MYRFL: variants seen among roughly 807,000 people sequenced by gnomAD.
MYRFL encodes the protein myelin regulatory factor-like protein.
In MYRFL, 88 loss-of-function variants were observed where a neutral mutation model predicts 109.4. The observed-to-expected ratio is 0.80, with a 90% CI of 0.68 to 0.96. The LOEUF is 0.96. MYRFL is among the 40% of genes least tolerant of loss of function. The probability of loss-of-function intolerance (pLI) is 0.00; values close to 1 mark genes in which losing one functional copy is unlikely to be tolerated. For missense variants in MYRFL, 957 were observed against 954.9 expected (o/e 1.00, Z -0.03); for synonymous variants, 324 against 320.9 (o/e 1.01, Z -0.10).
intron 6 of MYRFL, among the ~76,000 whole-genome samples, chr12:69,889,295 A>G (rs914080484): frequency 2.6e-5 from 4 of 152,108 alleles, no homozygotes; most frequent in African/African-American, 9.7e-5. Context: ...GGAAAAATTC[A>G]TCAAAGAAGT....
At chr12:69,949,888 C>T (rs1191407946) in intron 19 of MYRFL, among the ~76,000 whole-genome samples, 2 of 152,162 alleles carry the variant, frequency 1.3e-5, no homozygotes, top group Non-Finnish European at 2.9e-5. Context: ...TTCCTATCCA[C>T]AAGCTGAGTC....
intron 2 of MYRFL, among the ~76,000 whole-genome samples, chr12:69,864,229 T>C (rs761161269): frequency 6.6e-6 from 1 of 152,196 alleles, no homozygotes; most frequent in Non-Finnish European, 1.5e-5. Context: ...TTTTTAACAT[T>C]TATTTTTCTT....
At position 69,886,829 on chromosome 12, in the gene MYRFL, G is replaced by T; in HGVS notation, c.566G>T (p.Arg189Met). The change falls in exon 6 of 25, where the codon AGG (arginine) becomes ATG (methionine). Residue 189 changes from arginine (R) to methionine (M), a missense_variant. Arg to Met is a moderately conservative substitution (Grantham distance 91). Coordinates refer to ENST00000552032, the MANE Select transcript of MYRFL (RefSeq NM_182530.3). ...ACCTGTTTCTTTGCAGTGACAAGTA[G>T]GAGTCGCAGCAGTGAAGTCCAGGAC... is the stretch of plus-strand genomic sequence containing the variant. ...WACHCRPMTS[R>M]SRSSEVQDPD... The T allele has an allele frequency of 6.5e-7, 1 of 1,535,860 alleles. No individual in the cohort carries two copies. The highest frequency in any genetic ancestry group is 1.2e-5 in the South Asian group (1 of 84,050).
At position 69,863,483 on chromosome 12, in the gene MYRFL, A is replaced by T. The variant is rs567475231; in HGVS notation, c.137+8113A>T. Among the ~76,000 whole-genome samples the T allele has an allele frequency of 1.3e-5, 2 of 152,166 alleles. 1 individual carries two copies. The highest frequency in any genetic ancestry group is 4.1e-4 in the South Asian group (2 of 4,830). On this transcript the variant is annotated intron_variant, in intron 2 of 24. Transcript: ENST00000552032. ...TTCAGTGGTAACTCGAGGGACAACA[A>T]TCTACATACCTAACCTCTTGCAGTC...
At chr12:69,911,377 T>G (rs1247929861) in intron 13 of MYRFL, among the ~76,000 whole-genome samples, 1 of 152,234 alleles carries the variant, frequency 6.6e-6, no homozygotes, top group African/African-American at 2.4e-5. Flanking sequence ...CTTAGAATGA[T>G]TAAAGATTAA....
chr12:69,906,331 G>A (rs1954357540), intron 11 of MYRFL, among the ~76,000 whole-genome samples: 1 of 152,124 alleles, frequency 6.6e-6, no homozygotes, highest in South Asian at 2.1e-4. Context: ...AGCTTAACTT[G>A]CCCAGCCATT....
At chr12:69,931,008 A>G (rs1367607321) in intron 15 of MYRFL, among the ~76,000 whole-genome samples, 17 of 152,140 alleles carry the variant, frequency 1.1e-4, no homozygotes, top group Admixed American at 1.1e-3. Flanking sequence ...TTCATTGGAT[A>G]TGCCTAATAA....
intron 22 of MYRFL, among the ~76,000 whole-genome samples, chr12:69,957,315 G>A (rs1224406421): frequency 1.3e-5 from 2 of 152,110 alleles, no homozygotes; most frequent in African/African-American, 2.4e-5. Flanking sequence ...AATCCTGAAA[G>A]CTTCATATAA....
At chr12:69,894,277 C>T (rs1887091463) in intron 8 of MYRFL, among the ~76,000 whole-genome samples, 1 of 151,994 alleles carries the variant, frequency 6.6e-6, no homozygotes, top group Non-Finnish European at 1.5e-5. Context: ...GGATTACAGG[C>T]GTGAGCCACA....
In MYRFL at chr12:69,926,743, A is replaced by T. The variant is rs1391926894; in HGVS notation, c.1766+9A>T. On this transcript the variant is annotated intron_variant, in intron 14 of 24. Transcript: ENST00000552032. Reference sequence around the variant, plus strand: ...GAAGCAAGCACAATCAGGTACGTGCAGCCAGGATTGCCATAGAAATTTGGG... The same window carrying T: ...GAAGCAAGCACAATCAGGTACGTGCTGCCAGGATTGCCATAGAAATTTGGG... The T allele has an allele frequency of 5.6e-6, 8 of 1,432,142 alleles. No homozygotes were observed. The highest frequency in any genetic ancestry group is 7.3e-6 in the Non-Finnish European group (8 of 1,091,302). The allele number at this position is 1,432,142 out of a possible 1,614,324, so 88.7% of individuals were successfully genotyped here. A position where few individuals can be genotyped will look rare whatever the true frequency, so the allele number is the denominator to read the frequency against.
intron 13 of MYRFL, among the ~76,000 whole-genome samples, chr12:69,922,084 T>A (rs1458067149): frequency 2.0e-5 from 3 of 152,090 alleles, no homozygotes; most frequent in Non-Finnish European, 2.9e-5. Context: ...AGATTTAGGA[T>A]GCCGAACTGA....
At chr12:69,849,487 T>C (rs1371237367) in intron 1 of MYRFL, among the ~76,000 whole-genome samples, 3 of 152,238 alleles carry the variant, frequency 2.0e-5, no homozygotes, top group Admixed American at 1.3e-4. Flanking sequence ...GATTTTGGCA[T>C]TCATTTTATG....
In MYRFL at chr12:69,887,063, T is replaced by C. The variant is rs141226725; in HGVS notation, c.707+93T>C. 1.0e-5 allele frequency: 14 copies of C among 1,337,396 alleles called. No homozygotes were observed. The African/African-American group carries it at 2.0e-4, about 19-fold the overall frequency. 82.8% of individuals were successfully genotyped at this position (1,337,396 alleles called of 1,614,324 possible). On this transcript the variant is annotated intron_variant, in intron 6 of 24. Coordinates refer to ENST00000552032, the MANE Select transcript of MYRFL (RefSeq NM_182530.3). ...AGCACTGGAGCTTTGATGTCACCTCTGGTCAAGTGGGGCAAATCAGTGAGA... is the reference window on the plus strand; with the variant it reads ...AGCACTGGAGCTTTGATGTCACCTCCGGTCAAGTGGGGCAAATCAGTGAGA...
At chr12:69,945,676 A>C (rs1955810661) in intron 19 of MYRFL, among the ~76,000 whole-genome samples, 1 of 152,162 alleles carries the variant, frequency 6.6e-6, no homozygotes, top group African/African-American at 2.4e-5. Flanking sequence ...CTCTGTGACA[A>C]TACAGAATTT....
At chr12:69,850,225 G>A (rs375454862) in intron 1 of MYRFL, among the ~76,000 whole-genome samples, 8 of 151,984 alleles carry the variant, frequency 5.3e-5, no homozygotes, top group African/African-American at 9.7e-5. Flanking sequence ...AAACCTCTTC[G>A]TTTTGTAAAT....
chr12:69,848,850 A>G (rs78216648), intron 1 of MYRFL, among the ~76,000 whole-genome samples: 3,220 of 152,252 alleles, frequency 0.021, 115 homozygotes, highest in African/African-American at 0.074. Flanking sequence ...ATTAAACATG[A>G]CACTGGCTCT....
chr12:69,925,964 G>A (rs1347468039), intron 13 of MYRFL, among the ~76,000 whole-genome samples: 1 of 146,456 alleles, frequency 6.8e-6, no homozygotes. Context: ...AGAACTCAGA[G>A]AAAAGCCCAG....
chr12:69,892,468 T>A (rs1487636284), intron 7 of MYRFL, among the ~76,000 whole-genome samples: 2 of 152,196 alleles, frequency 1.3e-5, no homozygotes, highest in African/African-American at 4.8e-5. Context: ...TGGAGTGCAG[T>A]GGCTTTATCA....
chr12:69,933,490 A>G (rs550274428), intron 16 of MYRFL, among the ~76,000 whole-genome samples: 38 of 152,254 alleles, frequency 2.5e-4, no homozygotes, highest in Non-Finnish European at 2.1e-4. Context: ...GGAGACAATT[A>G]TTCTCAGGGG....
Sources: gnomAD v4.1 joint callset for allele counts (sites outside exome capture counted in the v4.1 genomes callset) on GRCh38, gnomAD v4.1.1 for gene constraint, MANE v1.5 for transcripts, NCBI Gene and HGNC (gene_info 2026-07-23, HGNC 2026-07-21) for gene names.